The following PPP1R12A variants were observed in gnomAD, a reference collection of about 807,000 sequenced individuals.
The protein encoded by PPP1R12A is protein phosphatase 1 regulatory subunit 12A, also known as myosin binding subunit.
In PPP1R12A, 19 loss-of-function variants were observed where a neutral mutation model predicts 139.6. The ratio of observed to expected loss-of-function variants is 0.14; its 90% CI spans 0.09 to 0.20. The LOEUF (loss-of-function observed/expected upper bound fraction) is 0.20, where lower values mean the gene tolerates loss of function less well. Among genes scored for constraint, PPP1R12A ranks in the 10% least tolerant of loss-of-function variants. PPP1R12A has a pLI of 1.00. For missense variants in PPP1R12A, 925 were observed against 1,211.5 expected (o/e 0.76, Z 3.51); for synonymous variants, 427 against 420.6 (o/e 1.02, Z -0.19).
intron 2 of PPP1R12A, among the ~76,000 whole-genome samples, chr12:79,862,906 C>T (rs138253975): frequency 6.6e-6 from 1 of 152,042 alleles, no homozygotes; most frequent in Non-Finnish European, 1.5e-5. Flanking sequence ...AGGATATTAT[C>T]CAGGAGAACT....
chr12:79,892,902 G>A (rs561718046), intron 1 of PPP1R12A, among the ~76,000 whole-genome samples: 5 of 152,116 alleles, frequency 3.3e-5, no homozygotes, highest in African/African-American at 9.6e-5. Context: ...TTAAGAGTTC[G>A]AGACCAGCCT....
chr12:79,893,673 T>C (rs181269536), intron 1 of PPP1R12A, among the ~76,000 whole-genome samples: 2 of 152,342 alleles, frequency 1.3e-5, no homozygotes, highest in Admixed American at 6.5e-5. Flanking sequence ...AATGGATACA[T>C]TGTAAAAACC....
At chr12:79,780,102 G>T (rs1420499647) in intron 23 of PPP1R12A, 1 of 152,132 alleles carries the variant, frequency 6.6e-6, no homozygotes, top group Non-Finnish European at 1.5e-5. Flanking sequence ...TATTCTGGAG[G>T]CTGATGCAGG....
chr12:79,922,505 T>A (rs1414382338), intron 1 of PPP1R12A, among the ~76,000 whole-genome samples: 3 of 151,918 alleles, frequency 2.0e-5, no homozygotes, highest in South Asian at 2.1e-4. Context: ...TGGAATACAG[T>A]CATAAAAAAG....
At chr12:79,880,286 T>G (rs996303132) in intron 1 of PPP1R12A, among the ~76,000 whole-genome samples, 3 of 152,080 alleles carry the variant, frequency 2.0e-5, no homozygotes, top group Non-Finnish European at 4.4e-5. Flanking sequence ...TCCCTACATA[T>G]TTGAGCATAA....
At chr12:79,797,705 G>A (rs1015611110) in intron 15 of PPP1R12A, among the ~76,000 whole-genome samples, 2 of 151,984 alleles carry the variant, frequency 1.3e-5, no homozygotes, top group African/African-American at 4.8e-5. Flanking sequence ...CTGTGTGTGT[G>A]TATATATATG....
chr12:79,783,443 G>C (rs1009691984), intron 22 of PPP1R12A, among the ~76,000 whole-genome samples: 4 of 152,020 alleles, frequency 2.6e-5, no homozygotes, highest in Non-Finnish European at 5.9e-5. Flanking sequence ...ACTCCAGCTT[G>C]AGTGACACAG....
At chr12:79,924,503 A>T (rs1201493214) in intron 1 of PPP1R12A, among the ~76,000 whole-genome samples, 2 of 152,206 alleles carry the variant, frequency 1.3e-5, no homozygotes, top group African/African-American at 4.8e-5. Flanking sequence ...ATCACAGCTC[A>T]CTGCAACCCC....
At chr12:79,866,207 C>A (rs1881942365) in intron 2 of PPP1R12A, among the ~76,000 whole-genome samples, 2 of 152,170 alleles carry the variant, frequency 1.3e-5, no homozygotes, top group Non-Finnish European at 1.5e-5. Flanking sequence ...CTGACACACA[C>A]AAGCAATGGG....
intron 1 of PPP1R12A, among the ~76,000 whole-genome samples, chr12:79,917,917 G>T (rs1020795250): frequency 1.3e-5 from 2 of 152,044 alleles, no homozygotes; most frequent in African/African-American, 2.4e-5. Context: ...CTTAACCTGT[G>T]ACTTTATTTT....
At chr12:79,876,098 T>A (rs1883073884) in intron 1 of PPP1R12A, among the ~76,000 whole-genome samples, 1 of 152,172 alleles carries the variant, frequency 6.6e-6, no homozygotes, top group Non-Finnish European at 1.5e-5. Context: ...TATGACTGTA[T>A]CCACATTTCA....
At chr12:79,885,737 C>T (rs932712644) in intron 1 of PPP1R12A, among the ~76,000 whole-genome samples, 1 of 152,148 alleles carries the variant, frequency 6.6e-6, no homozygotes, top group Middle Eastern at 3.2e-3. Context: ...ACCCGAAATG[C>T]TTGCAATTTG....
At chr12:79,877,270 GAACATATCTTACAT>G in intron 1 of PPP1R12A, among the ~76,000 whole-genome samples, 1 of 152,170 alleles carries the variant, frequency 6.6e-6, no homozygotes, top group African/African-American at 2.4e-5. Flanking sequence ...AAAGTGCCTA[GAACATATCTTACAT>G]ATAACAGATG....
At chr12:79,781,280 G>A (rs1260076173) in intron 23 of PPP1R12A, among the ~76,000 whole-genome samples, 1 of 151,900 alleles carries the variant, frequency 6.6e-6, no homozygotes. Context: ...AGTGGCATAA[G>A]GATTTTCTTG....
intron 23 of PPP1R12A, chr12:79,780,453 G>C (rs951234720): frequency 1.3e-5 from 2 of 151,764 alleles, no homozygotes; most frequent in African/African-American, 4.8e-5. Context: ...TGCATCATGT[G>C]TATGTTAGAA....
At chr12:79,931,786 G>A (rs1888271394) in intron 1 of PPP1R12A, among the ~76,000 whole-genome samples, 1 of 152,112 alleles carries the variant, frequency 6.6e-6, no homozygotes, top group South Asian at 2.1e-4. Flanking sequence ...TTGGGGGTCA[G>A]GTCCTGGGTA....
At chr12:79,833,847 A>G (rs897036646) in intron 3 of PPP1R12A, among the ~76,000 whole-genome samples, 5 of 9,640 alleles carry the variant, frequency 5.2e-4, no homozygotes, top group Admixed American at 3.2e-3. Context: ...AAAGAAAAGG[A>G]AAAAAAAAAA....
In PPP1R12A at chr12:79,822,075, TA is replaced by T. The variant is rs746040745; in HGVS notation, c.867+40del. 18 of 1,302,734 alleles carry T rather than the reference TA, an allele frequency of 1.4e-5. No homozygotes were observed. In the South Asian group the frequency reaches 2.0e-4, roughly 14 times the overall value. The allele number at this position is 1,302,734 out of a possible 1,614,324, so 80.7% of individuals were successfully genotyped here. A position where few individuals can be genotyped will look rare whatever the true frequency, so the allele number is the denominator to read the frequency against. The stretch of plus-strand genomic sequence containing the variant: ...GTAATTGTCTCAAATTCAAAATTAT[TA>T]AGGTAAGTAATATAGGCAATTATTA... On this transcript the variant is annotated intron_variant, in intron 6 of 24. Transcript: ENST00000450142.
At chr12:79,913,963 T>C (rs371465212) in intron 1 of PPP1R12A, 33 of 152,256 alleles carry the variant, frequency 2.2e-4, no homozygotes, top group African/African-American at 7.7e-4. Flanking sequence ...GATGCAGAAG[T>C]GGATATGAGA....
Sources: allele counts gnomAD v4.1 joint callset (sites outside exome capture counted in the v4.1 genomes callset), GRCh38; gene constraint gnomAD v4.1.1; transcripts MANE v1.5; gene names NCBI Gene and HGNC (gene_info 2026-07-23, HGNC 2026-07-21).